Variants in EIF4G3 observed in about 807,000 individuals in gnomAD.
The protein encoded by EIF4G3 is eukaryotic translation initiation factor 4 gamma 3, also known as eIF-4-gamma 3.
A neutral mutation model predicts 186.4 loss-of-function variants in EIF4G3; 34 were observed. The observed-to-expected ratio is 0.18, with a 90% confidence interval of 0.14 to 0.24. EIF4G3 has a LOEUF of 0.24. Among genes scored for constraint, EIF4G3 ranks in the 10% least tolerant of loss-of-function variants. The pLI, the probability that EIF4G3 is intolerant of heterozygous loss-of-function variation, is 1.00. For missense variants in EIF4G3, 1,536 were observed against 1,948.5 expected (o/e 0.79, Z 3.99); for synonymous variants, 673 against 679.5 (o/e 0.99, Z 0.15).
intron 3 of EIF4G3, among the ~76,000 whole-genome samples, chr1:21,068,381 A>AAAAAAAAAAAAAAC (rs1557804110): frequency 6.3e-5 from 9 of 143,238 alleles, no homozygotes; most frequent in Non-Finnish European, 1.4e-4. Context: ...TCTTTAAAAA[A>AAAAAAAAAAAAAAC]AAAAAAAAAA....
In EIF4G3 at chr1:20,847,512, G is replaced by A. The variant is rs3767243; in HGVS notation, c.3888+1903C>T. Among the ~76,000 whole-genome samples, 76 of 152,242 alleles carry A rather than the reference G, an allele frequency of 5.0e-4. 1 individual carries two copies. In the East Asian group the frequency reaches 0.012, roughly 24 times the overall value. On this transcript the variant is annotated intron_variant, in intron 29 of 36. Coordinates refer to ENST00000602326, the MANE Select transcript of EIF4G3 (RefSeq NM_001391906.1). ...GATCATATTTTTCCCCTTTTAAAGGGTTATTCATTGACTTTGTACATCCTT... is the reference window on the plus strand; with the variant it reads ...GATCATATTTTTCCCCTTTTAAAGGATTATTCATTGACTTTGTACATCCTT...
intron 2 of EIF4G3, among the ~76,000 whole-genome samples, chr1:21,127,148 C>T (rs1320036995): frequency 3.3e-5 from 5 of 152,060 alleles, no homozygotes; most frequent in Admixed American, 6.6e-5. Flanking sequence ...GCTCCTCACA[C>T]CCGGCTAATT....
intron 11 of EIF4G3, among the ~76,000 whole-genome samples, chr1:20,970,951 C>A (rs1028019846): frequency 2.0e-5 from 3 of 151,998 alleles, no homozygotes; most frequent in African/African-American, 7.2e-5. Flanking sequence ...GGGAAAAGAG[C>A]GAGACTTTGT....
At chr1:21,122,185 C>T (rs552457069) in intron 2 of EIF4G3, among the ~76,000 whole-genome samples, 6 of 152,298 alleles carry the variant, frequency 3.9e-5, no homozygotes, top group Admixed American at 6.5e-5. Flanking sequence ...CTGCTTAAAA[C>T]AATGACACAT....
intron 4 of EIF4G3, among the ~76,000 whole-genome samples, chr1:21,023,810 GA>G: frequency 6.9e-6 from 1 of 144,356 alleles, no homozygotes; most frequent in African/African-American, 2.7e-5. Context: ...TCTAGGAAGT[GA>G]GGAGCGCCTC....
At chr1:21,089,796 G>A (rs1355045221) in intron 2 of EIF4G3, among the ~76,000 whole-genome samples, 1 of 149,668 alleles carries the variant, frequency 6.7e-6, no homozygotes, top group African/African-American at 2.4e-5. Context: ...GGAACTGCCA[G>A]AAATTTTCTA....
At position 20,893,510 on chromosome 1, in the gene EIF4G3, C is replaced by CA. The variant is rs370805081; in HGVS notation, c.2253+6dup. ...AACTAAGTGAGTTGTAGGGAACTTG[C>CA]ACTTACAGGTACGCCTCTTCCACCA... On this transcript the variant is annotated splice_region_variant and intron_variant, in intron 18 of 36. Coordinates refer to ENST00000602326, the MANE Select transcript of EIF4G3 (RefSeq NM_001391906.1). 566 of 1,590,220 alleles carry CA rather than the reference C, an allele frequency of 3.6e-4. 2 individuals are homozygous for CA. In the African/African-American group the frequency reaches 6.6e-3, roughly 19 times the overall value.
Position 20,941,577 on chromosome 1 carries a change from T to G in EIF4G3, c.1577A>C (p.Gln526Pro). The change falls in exon 14 of 37, where the codon CAG (glutamine) becomes CCG (proline). Residue 526 changes from glutamine (Q) to proline (P), a missense_variant. This residue lies in a region of EIF4G3 where 560 missense variants were observed against 547.8 expected (regional missense o/e 1.02). Transcript: ENST00000602326. ...TCLSEDAKEI[Q>P]NKIEVEADGQ... ...ATCTGCTTCTACCTCTATTTTGTTC[T>G]GAATCTCTTTTGCATCTTCACTAAG... 1 of 1,614,208 alleles carries G rather than the reference T, an allele frequency of 6.2e-7. No individual in the cohort carries two copies. The highest frequency in any genetic ancestry group is 1.1e-5 in the South Asian group (1 of 91,080).
Position 20,980,366 on chromosome 1 carries a change from C to G in EIF4G3, c.461G>C (p.Gly154Ala), listed in dbSNP as rs202048485. ...ATTGGGGAAGTCCCCAGGTCCTGGT[C>G]CAGGATAAAAAGGACCTGGCCCCGG... Reference protein sequence around the residue: ...QPPGPGPFYPGPGPGDFPNAY... With the variant: ...QPPGPGPFYPAPGPGDFPNAY... The change falls in exon 10 of 37, where the codon GGA becomes GCA. Residue 154 changes from glycine (G) to alanine (A), a missense_variant. Physicochemically the swap from Gly to Ala is moderately conservative, Grantham distance 60. Transcript: ENST00000602326. 6 of 1,550,208 alleles carry G rather than the reference C, an allele frequency of 3.9e-6. No homozygotes were observed. Among genetic ancestry groups the G allele is most frequent in the Non-Finnish European group, 4.3e-6 (5 of 1,159,434 alleles).
At chr1:20,970,088 C>G (rs193256261) in intron 11 of EIF4G3, among the ~76,000 whole-genome samples, 2 of 151,972 alleles carry the variant, frequency 1.3e-5, no homozygotes, top group African/African-American at 4.8e-5. Context: ...CTCAGCCTCC[C>G]GTGCCAGGAT....
At chr1:20,930,243 C>T (rs939785878) in intron 14 of EIF4G3, among the ~76,000 whole-genome samples, 1 of 152,144 alleles carries the variant, frequency 6.6e-6, no homozygotes, top group Non-Finnish European at 1.5e-5. Flanking sequence ...GTGGCTGTGG[C>T]AATTTCTTAA....
At chr1:21,152,328 C>A (rs2097564138) in intron 2 of EIF4G3, among the ~76,000 whole-genome samples, 1 of 85,296 alleles carries the variant, frequency 1.2e-5, no homozygotes, top group Non-Finnish European at 2.1e-5. Flanking sequence ...CAGAGCGAGA[C>A]CCTGTCTCTA....
At chr1:20,943,096 G>A (rs745960366) in intron 13 of EIF4G3, among the ~76,000 whole-genome samples, 13 of 152,158 alleles carry the variant, frequency 8.5e-5, no homozygotes, top group African/African-American at 1.4e-4. Context: ...CCAGGAGTTT[G>A]AGGTTGCATT....
intron 20 of EIF4G3, 79 bp downstream of exon 20, chr1:20,879,244 C>T: frequency 8.9e-7 from 1 of 1,127,384 alleles, no homozygotes; most frequent in Non-Finnish European, 1.2e-6. Flanking sequence ...GCCCCAATAA[C>T]ACTTCTGGGA....
At chr1:20,908,144 G>A (rs1249001590) in intron 14 of EIF4G3, among the ~76,000 whole-genome samples, 3 of 152,168 alleles carry the variant, frequency 2.0e-5, no homozygotes, top group Non-Finnish European at 4.4e-5. Flanking sequence ...CTGATGGCCA[G>A]TGATGATGAG....
At position 20,950,041 on chromosome 1, in the gene EIF4G3, G is replaced by A; in HGVS notation, c.785C>T (p.Ala262Val). 3 of 1,613,526 alleles carry A rather than the reference G, an allele frequency of 1.9e-6. No homozygotes were observed. The highest frequency in any genetic ancestry group is 4.5e-5 in the East Asian group (2 of 44,856). ...YGTVESAHLA[A>V]STPVTAASDQ... ...GCTAGCTGCAGTGACAGGGGTGCTG[G>A]CAGCAAGATGAGCGCTCTCCACAGT... Residue 262 changes from alanine (A) to valine (V), a missense_variant, in exon 13 of 37, where the codon GCC becomes GTC. Ala to Val is a moderately conservative substitution (Grantham distance 64). Around this residue, in one of 11 missense-constraint regions of EIF4G3, gnomAD observed 560 missense variants for 547.8 expected, o/e 1.02. Coordinates refer to ENST00000602326, the MANE Select transcript of EIF4G3 (RefSeq NM_001391906.1).
chr1:21,166,256 TA>T (rs59903518), intron 2 of EIF4G3, among the ~76,000 whole-genome samples: 84,593 of 139,256 alleles, frequency 0.61, 25,231 homozygotes, highest in East Asian at 0.77. Flanking sequence ...CTGAGATCTC[TA>T]AAAAAAAAAA....
chr1:20,909,342 T>C (rs990540071), intron 14 of EIF4G3, among the ~76,000 whole-genome samples: 7 of 152,182 alleles, frequency 4.6e-5, no homozygotes, highest in Non-Finnish European at 7.3e-5. Flanking sequence ...AAGAAACTGC[T>C]AATAGTTAAG....
At chr1:20,882,925 C>T (rs2082860153) in intron 19 of EIF4G3, among the ~76,000 whole-genome samples, 1 of 150,478 alleles carries the variant, frequency 6.6e-6, no homozygotes, top group African/African-American at 2.4e-5. Flanking sequence ...CTGGTCTCTA[C>T]AAAAAAATCA....
Sources: gnomAD v4.1 joint callset for allele counts (sites outside exome capture counted in the v4.1 genomes callset) on GRCh38, gnomAD v4.1.1 for gene constraint, gnomAD v4.1.1 regional missense constraint, MANE v1.5 for transcripts, NCBI Gene and HGNC (gene_info 2026-07-23, HGNC 2026-07-21) for gene names.